TG: variants seen among roughly 807,000 people sequenced by gnomAD.
TG encodes the protein thyroid hormones.
Under a neutral mutation model 324.7 loss-of-function variants are expected in TG, and 270 were observed. The observed-to-expected ratio is 0.83, with a 90% CI of 0.75 to 0.92. TG has a LOEUF of 0.92. TG is among the 40% of genes least tolerant of loss of function. TG has a pLI of 0.00. For missense variants in TG, 3,591 were observed against 3,456.4 expected, an observed-to-expected ratio of 1.04 and a Z score of -0.98; for synonymous variants, 1,401 against 1,327.0, an observed-to-expected ratio of 1.06 and a Z score of -1.21.
At chr8:132,903,015 C>G (rs2132300978) in intron 16 of TG, among the ~76,000 whole-genome samples, 1 of 152,278 alleles carries the variant, frequency 6.6e-6, no homozygotes, top group East Asian at 1.9e-4. Context: ...ATGAACATGT[C>G]CAAAGTCACA....
At chr8:132,903,576 C>T (rs1818240337) in intron 16 of TG, among the ~76,000 whole-genome samples, 1 of 152,232 alleles carries the variant, frequency 6.6e-6, no homozygotes, top group Admixed American at 6.5e-5. Flanking sequence ...GTCATGTGAT[C>T]AGGAACCAAG....
intron 27 of TG, among the ~76,000 whole-genome samples, chr8:132,951,730 T>C (rs1314878555): frequency 6.6e-6 from 1 of 152,110 alleles, no homozygotes; most frequent in East Asian, 1.9e-4. Context: ...AAAGGCTGAG[T>C]AGGAGGCTAC....
At chr8:133,018,067 G>A in intron 38 of TG, 70 bp downstream of exon 38, 3 of 1,469,636 alleles carry the variant, frequency 2.0e-6, no homozygotes, top group Non-Finnish European at 1.9e-6. Context: ...CTATCCAAAT[G>A]GGACTCAGTA....
At chr8:132,989,697 C>T (rs1400126517) in intron 35 of TG, among the ~76,000 whole-genome samples, 1 of 152,238 alleles carries the variant, frequency 6.6e-6, no homozygotes, top group Non-Finnish European at 1.5e-5. Flanking sequence ...GTGCCTTTGC[C>T]TGTGCCCGTG....
intron 44 of TG, among the ~76,000 whole-genome samples, chr8:133,115,198 A>T (rs1236426311): frequency 6.6e-6 from 1 of 151,880 alleles, no homozygotes; most frequent in Non-Finnish European, 1.5e-5. Context: ...GAGAGCTGAG[A>T]CTGAGGGAAG....
chr8:132,952,615 A>G (rs886909981), intron 27 of TG, among the ~76,000 whole-genome samples: 6 of 152,240 alleles, frequency 3.9e-5, no homozygotes, highest in African/African-American at 1.2e-4. Context: ...GGGAATTGGC[A>G]TTTGTTTTTA....
intron 41 of TG, chr8:133,060,070 C>A (rs768279465): frequency 6.4e-7 from 1 of 1,558,590 alleles, no homozygotes; most frequent in South Asian, 1.2e-5. Context: ...AGCACAGACT[C>A]AAGCATCTCA....
At chr8:133,018,617 T>C (rs1021008495) in intron 38 of TG, among the ~76,000 whole-genome samples, 1 of 152,186 alleles carries the variant, frequency 6.6e-6, no homozygotes, top group Non-Finnish European at 1.5e-5. Flanking sequence ...TATACCACTT[T>C]AAATAGCAAG....
rs552218188 is a variant in TG, at chr8:132,938,322, T to G, written c.5041+2458T>G. Among the ~76,000 whole-genome samples, 7 of 152,312 alleles carry G rather than the reference T, an allele frequency of 4.6e-5. No homozygotes were observed. The South Asian group carries it at 1.4e-3, about 32-fold the overall frequency. ...GCTGCCTACTCCCACTTAATGTCTG[T>G]GGCCTTCAACTTGGGGGATGAGTCG... On this transcript the variant is annotated intron_variant, in intron 25 of 47. Transcript: ENST00000220616.
chr8:133,046,453 A>C (rs1373028282), intron 41 of TG: 1 of 152,188 alleles, frequency 6.6e-6, no homozygotes, highest in South Asian at 2.1e-4. Context: ...CCGTGAGTCA[A>C]CCCAGCATGA....
chr8:133,109,085 G>A (rs546338486), intron 43 of TG, among the ~76,000 whole-genome samples: 31 of 152,328 alleles, frequency 2.0e-4, no homozygotes, highest in African/African-American at 6.7e-4. Flanking sequence ...GGAACTACAA[G>A]GTAGTTCTGC....
At chr8:132,945,085 G>A (rs1563986795) in intron 26 of TG, among the ~76,000 whole-genome samples, 1 of 152,212 alleles carries the variant, frequency 6.6e-6, no homozygotes, top group African/African-American at 2.4e-5. Context: ...GCCACTGAAT[G>A]TTTTAAGCAA....
At chr8:132,937,971 C>T (rs542245537) in intron 25 of TG, among the ~76,000 whole-genome samples, 33 of 152,200 alleles carry the variant, frequency 2.2e-4, no homozygotes, top group African/African-American at 6.0e-4. Context: ...GCCCGGCAGC[C>T]GTTCTAGACC....
chr8:132,967,863 G>T lies in TG; in HGVS notation c.5756G>T (p.Cys1919Phe), dbSNP rs1245758049. 1.2e-6 allele frequency: 2 copies of T among 1,613,986 alleles called. No homozygotes were observed. Among genetic ancestry groups the T allele is most frequent in the South Asian group, 1.1e-5 (1 of 91,076 alleles). Residue 1919 changes from cysteine to phenylalanine, a missense_variant, in exon 31 of 48, where the codon TGC becomes TTC. Coordinates refer to ENST00000220616, the MANE Select transcript of TG (RefSeq NM_003235.5). ...ITESASLYFT[C>F]TLYPEAQVCD... ...GAGAGTGCATCCTTGTACTTCACCTGCACCCTCTACCCAGAGGCACAGGTG... is the reference window on the plus strand; with the variant it reads ...GAGAGTGCATCCTTGTACTTCACCTTCACCCTCTACCCAGAGGCACAGGTG...
intron 30 of TG, among the ~76,000 whole-genome samples, chr8:132,967,201 TCCAA>T (rs1453873046): frequency 2.9e-5 from 4 of 140,036 alleles, no homozygotes; most frequent in African/African-American, 1.1e-4. Context: ...ATCCATCCCA[TCCAA>T]CCATCCATCC....
intron 20 of TG, among the ~76,000 whole-genome samples, chr8:132,917,474 A>C (rs995350847): frequency 1.3e-5 from 2 of 152,114 alleles, no homozygotes; most frequent in Non-Finnish European, 2.9e-5. Flanking sequence ...AAATGCAGGG[A>C]GTCAAGAAGT....
At chr8:132,907,411 G>A in intron 17 of TG, among the ~76,000 whole-genome samples, 1 of 152,150 alleles carries the variant, frequency 6.6e-6, no homozygotes, top group Non-Finnish European at 1.5e-5. Context: ...ACTTGTGTAA[G>A]TTTCGGCCCC....
Position 133,134,724 on chromosome 8 carries a change from CG to C in TG, c.8239del (p.Ala2747LeufsTer5), listed in dbSNP as rs1026336561. ...QSAESEEEEL[T>X]AGSGLREDLL... is the part of the protein sequence containing the mutation. ...GCAGAGAGTGAAGAGGAGGAGTTGA[CG>C]GCTGGATCTGGGCTAAGAGAAGATC... On this transcript the variant is annotated frameshift_variant, in exon 48 of 48. Transcript: ENST00000220616. LOFTEE classifies it high-confidence loss of function. The C allele has an allele frequency of 4.3e-6, 7 of 1,614,026 alleles. No individual in the cohort carries two copies. The highest frequency in any genetic ancestry group is 5.9e-6 in the Non-Finnish European group (7 of 1,179,962).
chr8:132,893,921 C>T lies in TG; in HGVS notation c.2993C>T (p.Ala998Val). The change falls in exon 11 of 48, where the codon GCT becomes GTT. Residue 998 changes from alanine to valine, a missense_variant. By Grantham distance (64) the Ala-to-Val change is moderately conservative. Coordinates refer to ENST00000220616, the MANE Select transcript of TG (RefSeq NM_003235.5). ...AGTGATTACGCCATTCGCCTGGCGGCTCAGTCTAGTGAGTGTGGTGCCCTT... is the reference window on the plus strand; with the variant it reads ...AGTGATTACGCCATTCGCCTGGCGGTTCAGTCTAGTGAGTGTGGTGCCCTT... ...RGSDYAIRLA[A>V]QSTLSFYQRR... is the part of the protein sequence containing the mutation. The T allele has an allele frequency of 6.2e-7, 1 of 1,614,024 alleles. No homozygotes were observed. The highest frequency in any genetic ancestry group is 8.5e-7 in the Non-Finnish European group (1 of 1,179,948).
Sources: gnomAD v4.1 joint callset for allele counts (sites outside exome capture counted in the v4.1 genomes callset) on GRCh38, gnomAD v4.1.1 for gene constraint, MANE v1.5 for transcripts, NCBI Gene and HGNC (gene_info 2026-07-23, HGNC 2026-07-21) for gene names.